The following SHOC1 variants were observed in gnomAD, a reference collection of about 807,000 sequenced individuals.
The protein encoded by SHOC1 is protein shortage in chiasmata 1 ortholog.
In SHOC1, 136 loss-of-function variants were observed where a neutral mutation model predicts 179.2. That is an observed-to-expected ratio of 0.76 (90% CI 0.66 to 0.87). SHOC1 has a LOEUF of 0.87. Ranked by LOEUF, SHOC1 falls within the 40% of genes least tolerant of loss-of-function variation. SHOC1 has a pLI of 0.00. For missense variants in SHOC1, 1,538 were observed against 1,700.8 expected (o/e 0.90, Z 1.68); for synonymous variants, 489 against 586.6 (o/e 0.83, Z 2.41).
chr9:111,741,596 A>C, intron 10 of SHOC1, 26 bp from the exon 11 acceptor site: 1 of 1,218,296 alleles, frequency 8.2e-7, no homozygotes, highest in East Asian at 2.4e-5. Flanking sequence ...AAAGTTTAAT[A>C]CATTAATAAT....
chr9:111,711,239 C>G (rs988534867), intron 18 of SHOC1, among the ~76,000 whole-genome samples: 5 of 152,124 alleles, frequency 3.3e-5, no homozygotes, highest in Non-Finnish European at 7.4e-5. Flanking sequence ...CCAATGGTCC[C>G]CCGGCGAAAC....
At chr9:111,783,100 C>T (rs917442468) in intron 3 of SHOC1, among the ~76,000 whole-genome samples, 5 of 152,136 alleles carry the variant, frequency 3.3e-5, no homozygotes, top group African/African-American at 1.2e-4. Context: ...AAACATTTTA[C>T]AGTCTCTCTC....
intron 1 of SHOC1, among the ~76,000 whole-genome samples, 158 bp downstream of exon 1, chr9:111,794,742 G>C: frequency 6.6e-6 from 1 of 152,172 alleles, no homozygotes; most frequent in Non-Finnish European, 1.5e-5. Context: ...CAGTGGGTCT[G>C]GGGTTTTGTC....
intron 12 of SHOC1, among the ~76,000 whole-genome samples, chr9:111,732,042 G>T (rs1833598010): frequency 6.6e-6 from 1 of 151,950 alleles, no homozygotes; most frequent in African/African-American, 2.4e-5. Flanking sequence ...CATGTAATAA[G>T]ATGCCCAACA....
chr9:111,738,979 C>T (rs1257348678), intron 11 of SHOC1, among the ~76,000 whole-genome samples: 1 of 152,064 alleles, frequency 6.6e-6, no homozygotes, highest in Non-Finnish European at 1.5e-5. Flanking sequence ...CTTACTGCCT[C>T]ATTACTTTCT....
chr9:111,687,009 A>C, intron 27 of SHOC1, 139 bp from the exon 28 acceptor site: 2 of 432,538 alleles, frequency 4.6e-6, no homozygotes, highest in Non-Finnish European at 8.0e-6. Context: ...GTAGTGGCGC[A>C]ATCTCGGCTC....
Position 111,775,761 on chromosome 9 carries a change from T to C in SHOC1, c.442+30A>G, listed in dbSNP as rs183441899. On this transcript the variant is annotated intron_variant, in intron 5 of 27. Coordinates refer to ENST00000682961, the MANE Select transcript of SHOC1 (RefSeq NM_001378211.1). ...AATATGTGTATATCAGTAAGAAATG[T>C]TTTACAACAATATAAAATAAACGTT... 5 of 1,568,074 alleles carry C rather than the reference T, an allele frequency of 3.2e-6. No homozygotes were observed. In the Admixed American group the frequency reaches 5.9e-5, roughly 19 times the overall value.
chr9:111,768,377 C>G (rs1206027836), intron 5 of SHOC1, among the ~76,000 whole-genome samples: 1 of 152,044 alleles, frequency 6.6e-6, no homozygotes, highest in Non-Finnish European at 1.5e-5. Flanking sequence ...TGCACACAGC[C>G]ACACCCAGCT....
rs1300874222 is a variant in SHOC1, at chr9:111,699,995, A to C, written c.3142T>G (p.Leu1048Val). ...TCAGAGTTTAGCCCAAATGAAACCA[A>C]AGCTGCATAAATCAGTGCTAGGTGA... ...LHHLALIYAALVSFGLNSEEL... is the reference protein window; with the variant it reads ...LHHLALIYAAVVSFGLNSEEL... Residue 1048 changes from leucine (L) to valine (V), a missense_variant, in exon 24 of 28, where the codon TTG becomes GTG. Physicochemically the swap from Leu to Val is conservative, Grantham distance 32 (BLOSUM62 1). Transcript: ENST00000682961. 3 of 1,609,156 alleles carry C rather than the reference A, an allele frequency of 1.9e-6. No individual in the cohort carries two copies. The highest frequency in any genetic ancestry group is 2.5e-6 in the Non-Finnish European group (3 of 1,177,090).
intron 17 of SHOC1, 104 bp from the exon 18 acceptor site, chr9:111,713,276 TG>T (rs1260520136): frequency 1.2e-5 from 7 of 588,746 alleles, no homozygotes; most frequent in African/African-American, 1.2e-4. Context: ...ATGAAACTAA[TG>T]ACAATAAGAT....
chr9:111,715,994 G>A (rs953895357), intron 16 of SHOC1, among the ~76,000 whole-genome samples: 6 of 151,986 alleles, frequency 3.9e-5, no homozygotes, highest in African/African-American at 7.2e-5. Context: ...CCAGACCTCC[G>A]TGGATTTTTT....
At chr9:111,688,744 T>C (rs1280263268) in intron 27 of SHOC1, among the ~76,000 whole-genome samples, 1 of 152,082 alleles carries the variant, frequency 6.6e-6, no homozygotes, top group African/African-American at 2.4e-5. Context: ...TATTTAAAAA[T>C]GGTATTAGTA....
intron 8 of SHOC1, among the ~76,000 whole-genome samples, chr9:111,753,886 T>C (rs1280551680): frequency 6.6e-6 from 1 of 152,116 alleles, no homozygotes; most frequent in Non-Finnish European, 1.5e-5. Flanking sequence ...TACCAGGGGC[T>C]AGGGTGTAGG....
chr9:111,758,018 C>T, intron 7 of SHOC1, 66 bp downstream of exon 7: 1 of 763,578 alleles, frequency 1.3e-6, no homozygotes. Flanking sequence ...ATGTATATTA[C>T]ACAAATTTTA....
At chr9:111,768,838 C>T (rs936757727) in intron 5 of SHOC1, among the ~76,000 whole-genome samples, 1 of 151,876 alleles carries the variant, frequency 6.6e-6, no homozygotes, top group African/African-American at 2.4e-5. Context: ...TGTCTTATTT[C>T]AGTCCTTAGA....
Position 111,766,029 on chromosome 9 carries a change from T to C in SHOC1, c.443-7181A>G, listed in dbSNP as rs1016296948. On this transcript the variant is annotated intron_variant, in intron 5 of 27. Coordinates refer to ENST00000682961, the MANE Select transcript of SHOC1 (RefSeq NM_001378211.1). ...CAGTTCAGTGGTAATAAATACATTA[T>C]GTTCTTTTTTCCCCCTCATCCCCCT... Among the ~76,000 whole-genome samples, 8 of 152,176 alleles carry C rather than the reference T, an allele frequency of 5.3e-5. No homozygotes were observed. The South Asian group carries it at 1.7e-3, about 32-fold the overall frequency.
intron 8 of SHOC1, among the ~76,000 whole-genome samples, chr9:111,750,395 C>T (rs112148974): frequency 1.3e-5 from 2 of 151,994 alleles, no homozygotes; most frequent in Non-Finnish European, 2.9e-5. Flanking sequence ...AGTGCAATGG[C>T]GTGGTCTTAG....
At chr9:111,741,875 G>A (rs149705231) in intron 10 of SHOC1, among the ~76,000 whole-genome samples, 1,759 of 152,038 alleles carry the variant, frequency 0.012, 33 homozygotes, top group African/African-American at 0.039. Context: ...CAAGTAATCC[G>A]CCCACCTTGG....
At chr9:111,761,358 C>T (rs975729883) in intron 5 of SHOC1, among the ~76,000 whole-genome samples, 5 of 151,908 alleles carry the variant, frequency 3.3e-5, no homozygotes, top group Admixed American at 2.0e-4. Context: ...AAAAATTAGC[C>T]GGGCTTGGTG....
Sources: allele counts gnomAD v4.1 joint callset (sites outside exome capture counted in the v4.1 genomes callset), GRCh38; gene constraint gnomAD v4.1.1; transcripts MANE v1.5; gene names NCBI Gene and HGNC (gene_info 2026-07-23, HGNC 2026-07-21).